The following EXTL1 variants were observed in gnomAD, a reference collection of about 807,000 sequenced individuals.
The protein encoded by EXTL1 is exostosin-like 1.
Under a neutral mutation model 64.6 loss-of-function variants are expected in EXTL1, and 43 were observed. The ratio of observed to expected loss-of-function variants is 0.67; its 90% CI spans 0.52 to 0.86. The LOEUF (loss-of-function observed/expected upper bound fraction) is 0.86, where lower values mean the gene tolerates loss of function less well. EXTL1 is among the 40% of genes least tolerant of loss of function. The pLI is 0.00. For synonymous variants in EXTL1, 352 were observed against 360.5 expected, an observed-to-expected ratio of 0.98 and a Z score of 0.27; for missense variants, 766 against 879.0, an observed-to-expected ratio of 0.87 and a Z score of 1.62.
In EXTL1 at chr1:26,032,548, A is replaced by G; in HGVS notation, c.1431+63A>G. On this transcript the variant is annotated intron_variant, in intron 7 of 10. Coordinates refer to ENST00000374280, the MANE Select transcript of EXTL1 (RefSeq NM_004455.3). ...TGCTGGGAGCTGGGGGAGGGCACCC[A>G]TGGGGTGTTTTATGAATACTTGGGC... The G allele has an allele frequency of 1.5e-6, 2 of 1,309,606 alleles. 1 individual carries two copies. Among genetic ancestry groups the G allele is most frequent in the South Asian group, 2.6e-5 (2 of 75,866 alleles). 81.1% of individuals were successfully genotyped at this position (1,309,606 alleles called of 1,614,324 possible). A position where few individuals can be genotyped will look rare whatever the true frequency, so the allele number is the denominator to read the frequency against.
Position 26,035,465 on chromosome 1 carries a change from C to G in EXTL1, c.*118C>G. ...GAACCTATCATGTCAGCCAGCGGGC[C>G]CACACGTCGGACCCCGGTTGGCCAA... On this transcript the variant is annotated 3_prime_UTR_variant, in exon 11 of 11. Coordinates refer to ENST00000374280, the MANE Select transcript of EXTL1 (RefSeq NM_004455.3). The surrounding 1 kb of genome is among the most constrained non-coding windows in gnomAD (Gnocchi z 5.3). The G allele has an allele frequency of 1.0e-6, 1 of 959,064 alleles. No homozygotes were observed. The highest frequency in any genetic ancestry group is 1.5e-6 in the Non-Finnish European group (1 of 660,716). The allele number at this position is 959,064 out of a possible 1,614,324, so 59.4% of individuals were successfully genotyped here.
Position 26,035,166 on chromosome 1 carries a change from C to A in EXTL1, c.1850C>A (p.Ala617Glu), listed in dbSNP as rs772556085. ...GKQRQEAAPL[A>E]PGGPGPRPKP... is the part of the protein sequence containing the mutation. ...ATGCATTGCTTCTTTCCCTCTTAGG[C>A]GCCTGGGGGCCCGGGGCCCAGGCCA... Residue 617 changes from alanine (A) to glutamate (E), a missense_variant and splice_region_variant, in exon 11 of 11, where the codon GCG becomes GAG. By Grantham distance (107) the Ala-to-Glu change is moderately radical. Coordinates refer to ENST00000374280, the MANE Select transcript of EXTL1 (RefSeq NM_004455.3). This position sits in a 1 kb window ranked among gnomAD's most constrained non-coding sequence, Gnocchi z 5.3. The A allele has an allele frequency of 2.5e-6, 4 of 1,600,358 alleles. No homozygotes were observed. Among genetic ancestry groups the A allele is most frequent in the Non-Finnish European group, 2.6e-6 (3 of 1,172,410 alleles).
chr1:26,029,144 T>A (rs2050250823), intron 1 of EXTL1, 49 bp from the exon 2 acceptor site: 1 of 1,429,326 alleles, frequency 7.0e-7, no homozygotes, highest in African/African-American at 1.4e-5. Context: ...GGGGCGAAGG[T>A]CACTGTCCAG....
chr1:26,029,957 G>A (rs1301601559), intron 3 of EXTL1, among the ~76,000 whole-genome samples: 1 of 152,180 alleles, frequency 6.6e-6, no homozygotes, highest in Non-Finnish European at 1.5e-5. Flanking sequence ...ACAATAGGAT[G>A]AGCTAGACCA....
At chr1:26,032,512 G>T in intron 7 of EXTL1, 27 bp downstream of exon 7, 1 of 1,528,704 alleles carries the variant, frequency 6.5e-7, no homozygotes, top group South Asian at 1.2e-5. Context: ...GCCATGAAAG[G>T]GGTGGGCCCA....
intron 1 of EXTL1, among the ~76,000 whole-genome samples, chr1:26,024,655 C>T (rs144204341): frequency 5.9e-4 from 90 of 152,234 alleles, no homozygotes; most frequent in African/African-American, 2.1e-3. Context: ...CCCTAGTGGT[C>T]TCCAAGGTGG....
rs751905274 is a variant in EXTL1 at position 26,035,395 on chromosome 1, G to A, written c.*48G>A. ...AGCAGAGGTCGCAGCCCAGCTCCCAGGGGGCCCGGCGCCTGCCGGCGGGCT... is the reference window on the plus strand; with the variant it reads ...AGCAGAGGTCGCAGCCCAGCTCCCAAGGGGCCCGGCGCCTGCCGGCGGGCT... On this transcript the variant is annotated 3_prime_UTR_variant, in exon 11 of 11. Transcript: ENST00000374280. The surrounding 1 kb of genome is among the most constrained non-coding windows in gnomAD (Gnocchi z 5.3). The A allele has an allele frequency of 3.7e-5, 56 of 1,521,456 alleles. No individual in the cohort carries two copies. Among genetic ancestry groups the A allele is most frequent in the Non-Finnish European group, 4.7e-5 (53 of 1,127,920 alleles). The allele number at this position is 1,521,456 out of a possible 1,614,324, so 94.2% of individuals were successfully genotyped here. A position where few individuals can be genotyped will look rare whatever the true frequency, so the allele number is the denominator to read the frequency against.
In EXTL1 at chr1:26,029,614, A is replaced by T. The variant is rs367670180; in HGVS notation, c.888A>T (p.Pro296=). ...FLQALQAGCI[P]VLLSPRWELP... is the part of the protein sequence containing the mutation. ...CCGCCCCCCAGGCCGGCTGCATCCC[A>T]GTGCTTCTCAGCCCCCGCTGGGAGC... The change falls in exon 3 of 11, where the codon CCA becomes CCT. Residue 296 remains proline (P), a synonymous_variant. Coordinates refer to ENST00000374280, the MANE Select transcript of EXTL1 (RefSeq NM_004455.3). 25 of 1,608,642 alleles carry T rather than the reference A, an allele frequency of 1.6e-5. No homozygotes were observed. In the South Asian group the frequency reaches 2.0e-4, roughly 13 times the overall value.
chr1:26,033,175 TG>T lies in EXTL1; in HGVS notation c.1432-49del. On this transcript the variant is annotated intron_variant, in intron 7 of 10. Transcript: ENST00000374280. This position sits in a 1 kb window ranked among gnomAD's most constrained non-coding sequence, Gnocchi z 5.1. ...GCCTGAATGGCTCCTACTTATTGGA[TG>T]GGGGTGGGGGGAATGTTCCAATGGC... 7.8e-7 allele frequency: 1 copy of T among 1,274,248 alleles called. No homozygotes were observed. The highest frequency in any genetic ancestry group is 1.9e-4 in the Middle Eastern group (1 of 5,404). 78.9% of individuals were successfully genotyped at this position (1,274,248 alleles called of 1,614,324 possible).
In EXTL1 at chr1:26,022,600, C is replaced by CT; in HGVS notation, c.-46dup. On this transcript the variant is annotated 5_prime_UTR_variant, in exon 1 of 11. Coordinates refer to ENST00000374280, the MANE Select transcript of EXTL1 (RefSeq NM_004455.3). ...CCCCAGGCCCTGCTCTTCCTGCTTGCTGGCAGAGGCCTCCCAGCTTCCCTA... is the reference window on the plus strand; with the variant it reads ...CCCCAGGCCCTGCTCTTCCTGCTTGCTTGGCAGAGGCCTCCCAGCTTCCCTA... 2 of 1,501,646 alleles carry CT rather than the reference C, an allele frequency of 1.3e-6. No homozygotes were observed. The highest frequency in any genetic ancestry group is 4.2e-5 in the Admixed American group (2 of 47,196). 93.0% of individuals were successfully genotyped at this position (1,501,646 alleles called of 1,614,324 possible).
chr1:26,029,765 A>G, intron 3 of EXTL1, 58 bp downstream of exon 3: 1 of 1,145,108 alleles, frequency 8.7e-7, no homozygotes, highest in Non-Finnish European at 1.3e-6. Context: ...GGAGGGACCT[A>G]GAATCCTGGA....
In EXTL1 at chr1:26,035,561, C is replaced by A; in HGVS notation, c.*214C>A. On this transcript the variant is annotated 3_prime_UTR_variant, in exon 11 of 11. Transcript: ENST00000374280. This position sits in a 1 kb window ranked among gnomAD's most constrained non-coding sequence, Gnocchi z 5.3. ...CCGCGGAGCCTCTGCGGAGGCTGAG[C>A]CCCGCGACCGGAGCGCCGCTCTCCG... The A allele has an allele frequency of 2.2e-6, 1 of 458,030 alleles. No individual in the cohort carries two copies. Among genetic ancestry groups the A allele is most frequent in the South Asian group, 5.1e-5 (1 of 19,512 alleles). 28.4% of individuals were successfully genotyped at this position (458,030 alleles called of 1,614,324 possible).
Position 26,033,326 on chromosome 1 carries a change from G to A in EXTL1, c.1518+11G>A. ...CTTTCCACAAGTGAGGTGAGGGCTG[G>A]GCCCAAGAGAAGCCCAGTGTGGGTA... On this transcript the variant is annotated intron_variant, in intron 8 of 10. Transcript: ENST00000374280. This position sits in a 1 kb window ranked among gnomAD's most constrained non-coding sequence, Gnocchi z 5.1. 2 of 1,611,304 alleles carry A rather than the reference G, an allele frequency of 1.2e-6. No homozygotes were observed. The highest frequency in any genetic ancestry group is 2.2e-5 in the South Asian group (2 of 91,024).
chr1:26,025,308 G>A lies in EXTL1; in HGVS notation c.779+1883G>A, dbSNP rs141307673. Reference sequence around the variant, plus strand: ...CCGGGCGAGAGTGGGGAGAGGAGGAGGCTACATTTGAGGAGTGCCTGGCTT... The same window carrying A: ...CCGGGCGAGAGTGGGGAGAGGAGGAAGCTACATTTGAGGAGTGCCTGGCTT... On this transcript the variant is annotated intron_variant, in intron 1 of 10. Transcript: ENST00000374280. This position sits in a 1 kb window ranked among gnomAD's most constrained non-coding sequence, Gnocchi z 5.3. 3.3e-3 allele frequency among the ~76,000 whole-genome samples: 506 copies of A among 152,334 alleles called. 3 individuals are homozygous for A. The highest frequency in any genetic ancestry group is 6.8e-3 in the Middle Eastern group (2 of 294).
rs745705090 is a variant in EXTL1, at chr1:26,023,141, C to G, written c.495C>G (p.His165Gln). 1 of 1,613,970 alleles carries G rather than the reference C, an allele frequency of 6.2e-7. No homozygotes were observed. Among genetic ancestry groups the G allele is most frequent in the Admixed American group, 1.7e-5 (1 of 60,024 alleles). Reference sequence around the variant, plus strand: ...GGAACCATCTGGTCCTCCGTCTCCACCCGGCTCCCTGCCCCAGGACCTTCC... The same window carrying G: ...GGAACCATCTGGTCCTCCGTCTCCAGCCGGCTCCCTGCCCCAGGACCTTCC... ...RGRNHLVLRL[H>Q]PAPCPRTFQL... is the part of the protein sequence containing the mutation. The change falls in exon 1 of 11, where the codon CAC (histidine) becomes CAG (glutamine). Residue 165 changes from histidine (H) to glutamine (Q), a missense_variant. By Grantham distance (24) the His-to-Gln change is conservative. This residue lies in a region of EXTL1 where 571 missense variants were observed against 647.6 expected (regional missense o/e 0.88). Coordinates refer to ENST00000374280, the MANE Select transcript of EXTL1 (RefSeq NM_004455.3).
rs148728684 is a variant in EXTL1 at position 26,033,900 on chromosome 1, C to T, written c.1679+44C>T. The T allele has an allele frequency of 3.2e-4, 498 of 1,558,204 alleles. 1 individual carries two copies. The African/African-American group carries it at 4.6e-3, about 14-fold the overall frequency. ...CACAGGGATCAGAGTATCAGAGGACCAGAGACCCCACCCCCACCCCGAACG... is the reference window on the plus strand; with the variant it reads ...CACAGGGATCAGAGTATCAGAGGACTAGAGACCCCACCCCCACCCCGAACG... On this transcript the variant is annotated intron_variant, in intron 9 of 10. Coordinates refer to ENST00000374280, the MANE Select transcript of EXTL1 (RefSeq NM_004455.3). The surrounding 1 kb of genome is among the most constrained non-coding windows in gnomAD (Gnocchi z 5.1).
chr1:26,029,667 C>T lies in EXTL1; in HGVS notation c.941C>T (p.Thr314Ile). The change falls in exon 3 of 11, where the codon ACC becomes ATC. Residue 314 changes from threonine to isoleucine, a missense_variant. Thr to Ile is a moderately conservative substitution (Grantham distance 89). This residue lies in a region of EXTL1 where 571 missense variants were observed against 647.6 expected (regional missense o/e 0.88). Coordinates refer to ENST00000374280, the MANE Select transcript of EXTL1 (RefSeq NM_004455.3). The part of the protein sequence containing the change: ...ELPFSEVIDW[T>I]KAAIVADERL... ...CCCTTCTCCGAGGTCATCGACTGGA[C>T]CAAGGCAGCCATCGTAGCTGATGAG... 6.2e-7 allele frequency: 1 copy of T among 1,612,486 alleles called. No individual in the cohort carries two copies. Among genetic ancestry groups the T allele is most frequent in the Non-Finnish European group, 8.5e-7 (1 of 1,179,704 alleles).
intron 1 of EXTL1, among the ~76,000 whole-genome samples, chr1:26,023,715 T>C (rs528019867): frequency 6.6e-6 from 1 of 152,328 alleles, no homozygotes; most frequent in African/African-American, 2.4e-5. Flanking sequence ...ATATTTTTTT[T>C]CCCCACATAC....
chr1:26,025,423 G>A lies in EXTL1; in HGVS notation c.779+1998G>A, dbSNP rs2050204142. On this transcript the variant is annotated intron_variant, in intron 1 of 10. Transcript: ENST00000374280. This position sits in a 1 kb window ranked among gnomAD's most constrained non-coding sequence, Gnocchi z 5.3. ...GGAGGTATTATTATCTCCATTTCAG[G>A]GTATGGAAAACTGAGGCCCAGAGAG... Among the ~76,000 whole-genome samples the A allele has an allele frequency of 6.6e-6, 1 of 152,150 alleles. No homozygotes were observed. Among genetic ancestry groups the A allele is most frequent in the Non-Finnish European group, 1.5e-5 (1 of 68,024 alleles).
Sources: allele counts gnomAD v4.1 joint callset (sites outside exome capture counted in the v4.1 genomes callset), GRCh38; gene constraint gnomAD v4.1.1; regional missense constraint gnomAD v4.1.1; non-coding constraint Gnocchi (gnomAD v3.1); transcripts MANE v1.5; gene names NCBI Gene and HGNC (gene_info 2026-07-23, HGNC 2026-07-21).